CALN1: variants seen among roughly 807,000 people sequenced by gnomAD.
CALN1 encodes calneuron 1, also known as calcium-binding protein 8.
Under a neutral mutation model 30.6 loss-of-function variants are expected in CALN1, and 17 were observed. The observed-to-expected ratio is 0.56, with a 90% confidence interval of 0.38 to 0.83. The LOEUF (loss-of-function observed/expected upper bound fraction) is 0.83. CALN1 is among the 40% of genes least tolerant of loss of function. CALN1 has a pLI of 0.00. For missense variants in CALN1, 291 were observed against 354.9 expected (o/e 0.82, Z 1.45); for synonymous variants, 156 against 131.4 (o/e 1.19, Z -1.28).
At chr7:72,057,193 C>A (rs1465873918) in intron 4 of CALN1, among the ~76,000 whole-genome samples, 2 of 152,060 alleles carry the variant, frequency 1.3e-5, no homozygotes, top group Non-Finnish European at 2.9e-5. Context: ...GTAATCCTCC[C>A]AGTTTGGCCT....
chr7:72,148,884 A>G (rs887415601), intron 3 of CALN1, among the ~76,000 whole-genome samples: 1 of 151,104 alleles, frequency 6.6e-6, no homozygotes, highest in African/African-American at 2.4e-5. Context: ...AGGCTGGGTG[A>G]CAGAGTAAGA....
intron 3 of CALN1, among the ~76,000 whole-genome samples, chr7:72,248,612 A>T (rs904575218): frequency 6.6e-6 from 1 of 152,086 alleles, no homozygotes; most frequent in African/African-American, 2.4e-5. Context: ...TCATTACATT[A>T]TTATTCCCAC....
At chr7:72,156,644 G>A (rs2129544546) in intron 3 of CALN1, among the ~76,000 whole-genome samples, 1 of 152,310 alleles carries the variant, frequency 6.6e-6, no homozygotes, top group South Asian at 2.1e-4. Context: ...AGCTCAAGCT[G>A]GGCATCCCAA....
intron 4 of CALN1, among the ~76,000 whole-genome samples, chr7:72,045,156 C>T (rs1802388939): frequency 6.6e-6 from 1 of 152,202 alleles, no homozygotes; most frequent in Non-Finnish European, 1.5e-5. Context: ...GTACACTCAC[C>T]ATGGCTCCAG....
In CALN1 at chr7:72,085,318, T is replaced by C. The variant is rs2129539247; in HGVS notation, c.388+20833A>G. Among the ~76,000 whole-genome samples, 3 of 152,230 alleles carry C rather than the reference T, an allele frequency of 2.0e-5. No homozygotes were observed. The South Asian group carries it at 6.2e-4, about 32-fold the overall frequency. On this transcript the variant is annotated intron_variant, in intron 4 of 6. Transcript: ENST00000395275. ...TGCAAGACCCCATCTCTACAAATTTTTTAAAAATATTTTAAAAAGGGGAGT... is the reference window on the plus strand; with the variant it reads ...TGCAAGACCCCATCTCTACAAATTTCTTAAAAATATTTTAAAAAGGGGAGT...
At chr7:72,338,527 G>C (rs868625782) in intron 2 of CALN1, among the ~76,000 whole-genome samples, 116 of 144,552 alleles carry the variant, frequency 8.0e-4, no homozygotes, top group African/African-American at 2.8e-3. Flanking sequence ...GTGTGTGTGT[G>C]TCTCACCTGG....
chr7:72,052,462 G>A (rs529711373), intron 4 of CALN1, among the ~76,000 whole-genome samples: 174 of 129,586 alleles, frequency 1.3e-3, no homozygotes, highest in Non-Finnish European at 2.2e-3. Flanking sequence ...AGGCTTGGGG[G>A]TGATGGTCTT....
chr7:71,933,426 G>C (rs1399089918), intron 5 of CALN1, among the ~76,000 whole-genome samples: 2 of 152,110 alleles, frequency 1.3e-5, no homozygotes, highest in African/African-American at 4.8e-5. Flanking sequence ...ACTAGAGAGG[G>C]AGCTGTTCTC....
intron 3 of CALN1, among the ~76,000 whole-genome samples, chr7:72,199,328 A>G (rs1791252456): frequency 6.6e-6 from 1 of 152,208 alleles, no homozygotes. Context: ...CCACTCTCCC[A>G]GTTTCCCATG....
At chr7:71,927,851 G>A (rs1795344755) in intron 5 of CALN1, among the ~76,000 whole-genome samples, 1 of 152,128 alleles carries the variant, frequency 6.6e-6, no homozygotes. Flanking sequence ...TTGAATCTTT[G>A]GTGGCCCTTG....
intron 2 of CALN1, among the ~76,000 whole-genome samples, chr7:72,375,568 GAAAAAA>G (rs34885674): frequency 4.4e-5 from 6 of 136,488 alleles, no homozygotes; most frequent in Non-Finnish European, 3.1e-5. Context: ...CTGCCTCCAG[GAAAAAA>G]AAAAAAAAGA....
chr7:72,362,861 T>C (rs1250297419), intron 2 of CALN1, among the ~76,000 whole-genome samples: 2 of 152,188 alleles, frequency 1.3e-5, no homozygotes, highest in Non-Finnish European at 2.9e-5. Flanking sequence ...GCAGCTCATA[T>C]ACATTTACCA....
At chr7:71,922,557 G>GAATAT (rs374378365) in intron 5 of CALN1, among the ~76,000 whole-genome samples, 27,113 of 131,744 alleles carry the variant, frequency 0.21, 3,249 homozygotes, top group African/African-American at 0.23. Context: ...ATAACACACA[G>GAATAT]ATTATATATA....
chr7:72,224,653 T>G (rs955609234), intron 3 of CALN1, among the ~76,000 whole-genome samples: 1 of 151,874 alleles, frequency 6.6e-6, no homozygotes, highest in Non-Finnish European at 1.5e-5. Context: ...TGGTGGCCAG[T>G]GCCTGTAATC....
chr7:72,434,383 G>A (rs544913826), intron 1 of CALN1, among the ~76,000 whole-genome samples: 3 of 151,216 alleles, frequency 2.0e-5, no homozygotes, highest in South Asian at 4.2e-4. Flanking sequence ...ATAGCTGGGC[G>A]TACTGGCGGG....
chr7:72,431,618 C>T (rs1183543602), intron 1 of CALN1, among the ~76,000 whole-genome samples: 4 of 152,080 alleles, frequency 2.6e-5, no homozygotes. Context: ...GCTGGAAGAT[C>T]GTTCGAGGCC....
intron 2 of CALN1, among the ~76,000 whole-genome samples, chr7:72,323,168 T>A (rs1801014416): frequency 6.6e-6 from 1 of 151,984 alleles, no homozygotes; most frequent in African/African-American, 2.4e-5. Flanking sequence ...TAGAGAGGAC[T>A]CAGAGTGTGC....
intron 4 of CALN1, among the ~76,000 whole-genome samples, chr7:72,048,614 G>A (rs1395675344): frequency 6.6e-6 from 1 of 152,022 alleles, no homozygotes; most frequent in African/African-American, 2.4e-5. Flanking sequence ...TTTTATAGAG[G>A]TAAATATAAG....
At chr7:72,423,635 A>T (rs1424321671) in intron 1 of CALN1, among the ~76,000 whole-genome samples, 1 of 152,158 alleles carries the variant, frequency 6.6e-6, no homozygotes, top group Non-Finnish European at 1.5e-5. Context: ...AATTCAAAGA[A>T]GATAATCCAG....
Sources: allele counts gnomAD v4.1 joint callset (sites outside exome capture counted in the v4.1 genomes callset), GRCh38; gene constraint gnomAD v4.1.1; transcripts MANE v1.5; gene names NCBI Gene and HGNC (gene_info 2026-07-23, HGNC 2026-07-21).